CAP2: variants seen among roughly 807,000 people sequenced by gnomAD.
CAP2 encodes cyclase associated actin cytoskeleton regulatory protein 2, also known as adenylyl cyclase-associated protein 2.
CAP2 carries 24 observed loss-of-function variants against 57.7 expected under a neutral mutation model. The ratio of observed to expected loss-of-function variants is 0.42; its 90% CI spans 0.30 to 0.58. The LOEUF is 0.58. Ranked by LOEUF, CAP2 falls within the 20% of genes least tolerant of loss-of-function variation. The pLI is 0.22. For synonymous variants in CAP2, 194 were observed against 207.2 expected, an observed-to-expected ratio of 0.94 and a Z score of 0.55; for missense variants, 501 against 590.3, an observed-to-expected ratio of 0.85 and a Z score of 1.57.
At chr6:17,436,858 G>A (rs1759905669) in intron 3 of CAP2, among the ~76,000 whole-genome samples, 1 of 152,094 alleles carries the variant, frequency 6.6e-6, no homozygotes, top group Admixed American at 6.6e-5. Context: ...TGTACTTAGA[G>A]CCACTCCCCA....
chr6:17,471,865 C>A (rs1199489273), intron 4 of CAP2, among the ~76,000 whole-genome samples: 2 of 151,994 alleles, frequency 1.3e-5, no homozygotes, highest in Non-Finnish European at 2.9e-5. Context: ...CTTTGTATCA[C>A]GCTTAGTTAT....
intron 1 of CAP2, among the ~76,000 whole-genome samples, chr6:17,403,361 C>T (rs1457212372): frequency 1.3e-5 from 2 of 152,238 alleles, no homozygotes; most frequent in Non-Finnish European, 2.9e-5. Context: ...CCTTGGCCTC[C>T]CAAAGTGCGG....
At chr6:17,470,596 G>T (rs1215263664) in intron 4 of CAP2, among the ~76,000 whole-genome samples, 1 of 152,176 alleles carries the variant, frequency 6.6e-6, no homozygotes, top group African/African-American at 2.4e-5. Context: ...CATTGAATTG[G>T]AAAAGAGAAT....
chr6:17,483,653 A>C (rs1053469154), intron 4 of CAP2, among the ~76,000 whole-genome samples: 2 of 152,200 alleles, frequency 1.3e-5, no homozygotes, highest in Non-Finnish European at 2.9e-5. Context: ...GCAAACCCTC[A>C]TGGAGCCCCA....
chr6:17,399,907 A>G (rs1758765080), intron 1 of CAP2, among the ~76,000 whole-genome samples: 1 of 152,158 alleles, frequency 6.6e-6, no homozygotes, highest in Non-Finnish European at 1.5e-5. Context: ...TGGGGAAGTT[A>G]GATGCTGGAG....
intron 3 of CAP2, among the ~76,000 whole-genome samples, chr6:17,435,430 A>G: frequency 2.8e-5 from 1 of 35,260 alleles, no homozygotes; most frequent in Non-Finnish European, 5.5e-5. Context: ...CTATCGCAAG[A>G]ACAAAAAACC....
chr6:17,516,390 T>C (rs1471565241), intron 7 of CAP2, among the ~76,000 whole-genome samples: 1 of 152,196 alleles, frequency 6.6e-6, no homozygotes, highest in Non-Finnish European at 1.5e-5. Flanking sequence ...TTTGAATCTC[T>C]GCACTTGCTT....
In CAP2 at chr6:17,542,800, T is replaced by A. The variant is rs546943293; in HGVS notation, c.1003-37T>A. The stretch of plus-strand genomic sequence containing the variant: ...GTGTGCAGTGGTTTCTGTTTATATA[T>A]GCTGATGTTTAATATTTGTATTTGT... On this transcript the variant is annotated intron_variant, in intron 9 of 12. Transcript: ENST00000229922. 14 of 1,550,378 alleles carry A rather than the reference T, an allele frequency of 9.0e-6. 1 individual carries two copies. In the Admixed American group the frequency reaches 2.2e-4, roughly 25 times the overall value.
intron 11 of CAP2, among the ~76,000 whole-genome samples, chr6:17,546,572 G>T (rs971192979): frequency 6.6e-6 from 1 of 152,044 alleles, no homozygotes; most frequent in African/African-American, 2.4e-5. Context: ...GTCAATTTTG[G>T]CTTTTGTTGC....
chr6:17,532,970 C>T (rs902270216), intron 7 of CAP2, among the ~76,000 whole-genome samples: 3 of 145,380 alleles, frequency 2.1e-5, no homozygotes, highest in Non-Finnish European at 3.0e-5. Flanking sequence ...GAGGCTGAGG[C>T]GGGAGAATCA....
intron 1 of CAP2, among the ~76,000 whole-genome samples, chr6:17,407,302 C>A (rs1312934210): frequency 6.6e-6 from 1 of 152,046 alleles, no homozygotes; most frequent in African/African-American, 2.4e-5. Flanking sequence ...GTTGAAACCC[C>A]TGATTGATTG....
At chr6:17,446,412 A>G (rs1760258528) in intron 3 of CAP2, among the ~76,000 whole-genome samples, 2 of 152,212 alleles carry the variant, frequency 1.3e-5, no homozygotes, top group Admixed American at 6.5e-5. Context: ...GTATATAGTT[A>G]TGCTGCTTTG....
chr6:17,556,222 G>A lies in CAP2; in HGVS notation c.1351-137G>A. On this transcript the variant is annotated intron_variant, in intron 12 of 12. Coordinates refer to ENST00000229922, the MANE Select transcript of CAP2 (RefSeq NM_006366.3). The stretch of plus-strand genomic sequence containing the variant: ...CACGTGACAAAGACCTCCCCATGAC[G>A]CAGCTTGCAATTCGATCGAATTTCT... 1.4e-5 allele frequency: 9 copies of A among 641,546 alleles called. 1 individual carries two copies. Among genetic ancestry groups the A allele is most frequent in the South Asian group, 7.4e-5 (4 of 53,712 alleles). The allele number at this position is 641,546 out of a possible 1,614,324, so 39.7% of individuals were successfully genotyped here.
At chr6:17,501,239 A>G (rs906698866) in intron 4 of CAP2, among the ~76,000 whole-genome samples, 17 of 152,174 alleles carry the variant, frequency 1.1e-4, no homozygotes, top group African/African-American at 3.9e-4. Flanking sequence ...AAAAGTAATT[A>G]TTATTATTTC....
Position 17,551,577 on chromosome 6 carries a change from C to T in CAP2, c.1323C>T (p.Asn441=). ...EIVSAKSSEM[N]ILIPQDGDYR... ...TGAGCGCCAAGTCATCTGAAATGAA[C>T]ATACTTATCCCTCAGGATGGTGATT... Residue 441 remains asparagine, a synonymous_variant, in exon 12 of 13, where the codon AAC becomes AAT. Coordinates refer to ENST00000229922, the MANE Select transcript of CAP2 (RefSeq NM_006366.3). The T allele has an allele frequency of 6.2e-7, 1 of 1,610,668 alleles. No individual in the cohort carries two copies. The highest frequency in any genetic ancestry group is 8.5e-7 in the Non-Finnish European group (1 of 1,177,972).
At chr6:17,489,764 T>C (rs536237972) in intron 4 of CAP2, among the ~76,000 whole-genome samples, 84 of 152,026 alleles carry the variant, frequency 5.5e-4, no homozygotes, top group Non-Finnish European at 5.4e-4. Context: ...ATTTGCCAGA[T>C]CCCAGTCTGG....
chr6:17,439,629 A>G (rs1396754115), intron 3 of CAP2, among the ~76,000 whole-genome samples: 1 of 151,448 alleles, frequency 6.6e-6, no homozygotes, highest in African/African-American at 2.4e-5. Flanking sequence ...TTTAGGGGTA[A>G]TGGGAGACAG....
chr6:17,451,238 A>T (rs1005204591), intron 3 of CAP2, among the ~76,000 whole-genome samples: 14 of 150,636 alleles, frequency 9.3e-5, no homozygotes, highest in African/African-American at 3.3e-4. Context: ...ATCCAAAAAA[A>T]AAAAATAATA....
intron 12 of CAP2, among the ~76,000 whole-genome samples, chr6:17,552,485 C>T (rs575666459): frequency 6.6e-6 from 1 of 152,170 alleles, no homozygotes; most frequent in East Asian, 1.9e-4. Context: ...CCCGTCTCTA[C>T]TAAAAATACA....
Sources: allele counts gnomAD v4.1 joint callset (sites outside exome capture counted in the v4.1 genomes callset), GRCh38; gene constraint gnomAD v4.1.1; transcripts MANE v1.5; gene names NCBI Gene and HGNC (gene_info 2026-07-23, HGNC 2026-07-21).